CCDC192: variants seen among roughly 807,000 people sequenced by gnomAD.
CCDC192 encodes the protein coiled-coil domain-containing protein 192.
chr5:127,936,857 G>C (rs1161199199), intron 6 of CCDC192, among the ~76,000 whole-genome samples: 1 of 152,184 alleles, frequency 6.6e-6, no homozygotes, highest in East Asian at 1.9e-4. Flanking sequence ...GGGACCACAG[G>C]TGTGTGAAGT....
At chr5:127,744,642 GTTCTTAATT>G (rs1278993755) in intron 2 of CCDC192, among the ~76,000 whole-genome samples, 1 of 152,128 alleles carries the variant, frequency 6.6e-6, no homozygotes, top group Non-Finnish European at 1.5e-5. Context: ...TACATTAACT[GTTCTTAATT>G]ACAAACTTGA....
At chr5:127,793,958 C>G (rs1480100290) in intron 3 of CCDC192, among the ~76,000 whole-genome samples, 31 of 152,170 alleles carry the variant, frequency 2.0e-4, no homozygotes, top group Admixed American at 2.0e-3. Flanking sequence ...GTTAATAAAG[C>G]ACTTTAATAA....
At chr5:127,909,663 C>T (rs1753292285) in intron 6 of CCDC192, among the ~76,000 whole-genome samples, 1 of 151,788 alleles carries the variant, frequency 6.6e-6, no homozygotes. Context: ...TTCATATTTT[C>T]TGAGCTTGGT....
At chr5:127,932,119 G>A (rs1378130983) in intron 6 of CCDC192, among the ~76,000 whole-genome samples, 9 of 145,754 alleles carry the variant, frequency 6.2e-5, no homozygotes, top group African/African-American at 1.3e-4. Context: ...GTGCCACTGC[G>A]CTCCAGCCTG....
At chr5:127,715,511 G>A (rs571341488) in intron 2 of CCDC192, among the ~76,000 whole-genome samples, 62 of 152,298 alleles carry the variant, frequency 4.1e-4, no homozygotes, top group African/African-American at 1.4e-3. Flanking sequence ...TTAGAAGTAA[G>A]GTAGTGTGCC....
chr5:127,709,249 A>C (rs894436610), intron 2 of CCDC192, among the ~76,000 whole-genome samples: 3 of 112,428 alleles, frequency 2.7e-5, no homozygotes, highest in Admixed American at 1.0e-4. Flanking sequence ...GAGAGAGAGA[A>C]ATGCTACACA....
chr5:127,890,981 A>G (rs961466830), intron 6 of CCDC192, among the ~76,000 whole-genome samples: 3 of 152,150 alleles, frequency 2.0e-5, no homozygotes, highest in African/African-American at 7.2e-5. Flanking sequence ...CTTTCTCACT[A>G]TTCTGTACCC....
chr5:127,759,387 G>A (rs1754789008), intron 3 of CCDC192, among the ~76,000 whole-genome samples: 1 of 152,154 alleles, frequency 6.6e-6, no homozygotes. Context: ...TCAGGAATGG[G>A]ACTAGTGTCC....
intron 5 of CCDC192, among the ~76,000 whole-genome samples, chr5:127,817,146 G>C (rs1749061722): frequency 6.6e-6 from 1 of 152,146 alleles, no homozygotes. Context: ...GTTGGCAGTT[G>C]GTGGCTTACA....
intron 5 of CCDC192, among the ~76,000 whole-genome samples, chr5:127,838,295 A>G (rs531116425): frequency 6.6e-6 from 1 of 152,348 alleles, no homozygotes; most frequent in African/African-American, 2.4e-5. Flanking sequence ...TGTTTCACTT[A>G]GAGAAAATTA....
chr5:127,878,406 G>A (rs1452020089), intron 6 of CCDC192, among the ~76,000 whole-genome samples: 1 of 152,216 alleles, frequency 6.6e-6, no homozygotes, highest in African/African-American at 2.4e-5. Flanking sequence ...TGCTCCAGCT[G>A]GCAGCTCCTA....
In CCDC192 at chr5:127,775,445, C is replaced by T. The variant is rs184141270; in HGVS notation, c.222+21070C>T. ...CAACAAGGGCTCTTGCCCATGTTTT[C>T]CCCTTGCTCCCTCTGCCTCCTGACC... On this transcript the variant is annotated intron_variant, in intron 3 of 6. Coordinates refer to ENST00000514853, the MANE Select transcript of CCDC192 (RefSeq NM_001317938.2). 7.2e-5 allele frequency among the ~76,000 whole-genome samples: 11 copies of T among 152,306 alleles called. No individual in the cohort carries two copies. In the East Asian group the frequency reaches 2.1e-3, roughly 29 times the overall value.
chr5:127,785,935 T>C, intron 3 of CCDC192: 3 of 469,712 alleles, frequency 6.4e-6, no homozygotes, highest in East Asian at 8.4e-5. Context: ...TTTATGAAGG[T>C]CAAGCACCTT....
chr5:127,734,380 T>C (rs1164333673), intron 2 of CCDC192, among the ~76,000 whole-genome samples: 1 of 152,100 alleles, frequency 6.6e-6, no homozygotes, highest in Admixed American at 6.5e-5. Context: ...AATGCCGCAA[T>C]AAACATACGT....
intron 6 of CCDC192, among the ~76,000 whole-genome samples, chr5:127,898,009 T>G (rs1314867174): frequency 6.6e-6 from 1 of 152,186 alleles, no homozygotes; most frequent in African/African-American, 2.4e-5. Flanking sequence ...ACATAGGAAC[T>G]TAAGAACTGC....
intron 2 of CCDC192, among the ~76,000 whole-genome samples, chr5:127,726,731 A>G (rs1316860349): frequency 1.3e-5 from 2 of 152,156 alleles, no homozygotes; most frequent in East Asian, 3.9e-4. Context: ...AATTTCAGCC[A>G]TTCTGGCCAG....
intron 3 of CCDC192, among the ~76,000 whole-genome samples, chr5:127,754,577 T>G (rs1050622952): frequency 5.3e-5 from 8 of 151,698 alleles, no homozygotes; most frequent in Admixed American, 4.6e-4. Context: ...ATAACAGTGC[T>G]TACTTTAGTC....
intron 6 of CCDC192, among the ~76,000 whole-genome samples, chr5:127,908,525 C>T (rs1373170807): frequency 6.6e-6 from 1 of 152,192 alleles, no homozygotes; most frequent in East Asian, 1.9e-4. Context: ...AGTTTAACAT[C>T]ACTTCTTCCT....
At chr5:127,833,883 CAATG>C (rs1749915349) in intron 5 of CCDC192, among the ~76,000 whole-genome samples, 1 of 152,070 alleles carries the variant, frequency 6.6e-6, no homozygotes, top group Admixed American at 6.6e-5. Context: ...AAAACGTACA[CAATG>C]TTTACCATGC....
Sources: gnomAD v4.1 joint callset for allele counts (sites outside exome capture counted in the v4.1 genomes callset) on GRCh38, gnomAD v4.1.1 for gene constraint, MANE v1.5 for transcripts, NCBI Gene and HGNC (gene_info 2026-07-23, HGNC 2026-07-21) for gene names.